PELI1: variants seen among roughly 807,000 people sequenced by gnomAD.
PELI1 encodes the protein pellino E3 ubiquitin protein ligase 1.
A neutral mutation model predicts 41.3 loss-of-function variants in PELI1; 15 were observed. That is an observed-to-expected ratio of 0.36 (90% CI 0.24 to 0.56). The LOEUF (loss-of-function observed/expected upper bound fraction) is 0.56. Among genes scored for constraint, PELI1 ranks in the 20% least tolerant of loss-of-function variants. The pLI, the probability that PELI1 is intolerant of heterozygous loss-of-function variation, is 0.82. For missense variants in PELI1, 403 were observed against 525.5 expected, an observed-to-expected ratio of 0.77 and a Z score of 2.28; for synonymous variants, 178 against 180.1, an observed-to-expected ratio of 0.99 and a Z score of 0.09.
chr2:64,097,626 G>A (rs184567897), intron 4 of PELI1, among the ~76,000 whole-genome samples: 1 of 152,130 alleles, frequency 6.6e-6, no homozygotes, highest in South Asian at 2.1e-4. Context: ...GCAAACATTT[G>A]GAAATTATCA....
At chr2:64,100,313 A>C (rs1380699173) in intron 4 of PELI1, 85 bp downstream of exon 4, 5 of 718,934 alleles carry the variant, frequency 7.0e-6, no homozygotes, top group Non-Finnish European at 1.2e-5. Context: ...AAATCTGATA[A>C]TCCTCTGACC....
rs115186773 is a variant in PELI1 at position 64,110,658 on chromosome 2, C to T, written c.-69-2279G>A. On this transcript the variant is annotated intron_variant, in intron 1 of 6. Transcript: ENST00000358912. Reference sequence around the variant, plus strand: ...AACTATAATACAGTTAGATGTAGTTCTAAATGTGTGTAAAGGAAATAGTTC... The same window carrying T: ...AACTATAATACAGTTAGATGTAGTTTTAAATGTGTGTAAAGGAAATAGTTC... Among the ~76,000 whole-genome samples the T allele has an allele frequency of 4.0e-3, 616 of 152,176 alleles. 3 individuals carry two copies. Among genetic ancestry groups the T allele is most frequent in the African/African-American group, 0.014 (588 of 41,530 alleles).
intron 3 of PELI1, among the ~76,000 whole-genome samples, chr2:64,103,377 G>A (rs1680510227): frequency 6.6e-6 from 1 of 152,078 alleles, no homozygotes; most frequent in Non-Finnish European, 1.5e-5. Context: ...TGGCTGTTAC[G>A]AGGATTTGCA....
chr2:64,142,696 A>G (rs1681951525), intron 1 of PELI1, among the ~76,000 whole-genome samples: 1 of 152,224 alleles, frequency 6.6e-6, no homozygotes, highest in African/African-American at 2.4e-5. Context: ...TATAAAGAAA[A>G]CGCATCGTAA....
chr2:64,139,237 T>G (rs113276330), intron 1 of PELI1, among the ~76,000 whole-genome samples: 2,400 of 152,334 alleles, frequency 0.016, 61 homozygotes, highest in African/African-American at 0.054. Context: ...TTTAATCTTA[T>G]AGTTCTCCCT....
chr2:64,096,563 C>G lies in PELI1; in HGVS notation c.351G>C (p.Thr117=). The change falls in exon 5 of 7, where the codon ACG becomes ACC. Residue 117 remains threonine (T), a synonymous_variant. Coordinates refer to ENST00000358912, the MANE Select transcript of PELI1 (RefSeq NM_020651.4). ...CAGAATTACTTTGACTTCCAGGAAC[C>G]GTGTCAGTTACTACAAAATCAATGG... ...ESPIDFVVTD[T]VPGSQSNSDT... The G allele has an allele frequency of 1.9e-6, 3 of 1,612,816 alleles. No individual in the cohort carries two copies. The highest frequency in any genetic ancestry group is 2.5e-6 in the Non-Finnish European group (3 of 1,179,028).
At chr2:64,136,192 C>A (rs927389011) in intron 1 of PELI1, among the ~76,000 whole-genome samples, 1 of 152,002 alleles carries the variant, frequency 6.6e-6, no homozygotes, top group African/African-American at 2.4e-5. Context: ...AAACCACTGC[C>A]ACTTTTTTTT....
chr2:64,140,063 GAAA>G (rs533335748), intron 1 of PELI1, among the ~76,000 whole-genome samples: 2 of 152,062 alleles, frequency 1.3e-5, no homozygotes, highest in Non-Finnish European at 2.9e-5. Context: ...CAGCTTAGGG[GAAA>G]AAGAAAACTG....
rs1680162663 is a variant in PELI1 at position 64,094,584 on chromosome 2, ATTC to A, written c.*115_*117del. On this transcript the variant is annotated 3_prime_UTR_variant, in exon 7 of 7. Coordinates refer to ENST00000358912, the MANE Select transcript of PELI1 (RefSeq NM_020651.4). ...CTATTTATTATAAATGTTTTAAAAA[ATTC>A]TTCATCTTAATGCAAATGACCAGAG... The A allele has an allele frequency of 8.2e-6, 5 of 606,922 alleles. No homozygotes were observed. Among genetic ancestry groups the A allele is most frequent in the Admixed American group, 3.3e-5 (1 of 30,280 alleles). 37.6% of individuals were successfully genotyped at this position (606,922 alleles called of 1,614,324 possible).
intron 1 of PELI1, among the ~76,000 whole-genome samples, chr2:64,124,699 T>C (rs1266272576): frequency 6.6e-6 from 1 of 152,276 alleles, no homozygotes; most frequent in African/African-American, 2.4e-5. Context: ...TTTATGTTTT[T>C]GCTGATAATC....
chr2:64,143,964 G>A (rs1293135841), intron 1 of PELI1, 117 bp downstream of exon 1: 1 of 1,570 alleles, frequency 6.4e-4, no homozygotes, highest in Non-Finnish European at 1.1e-3. Flanking sequence ...AGGCGGGCGG[G>A]GAGAGCCGGC....
In PELI1 at chr2:64,137,572, T is replaced by C. The variant is rs929879970; in HGVS notation, c.-70+6509A>G. ...ATACTAGTCACTCTCAGAGGTTATA[T>C]ACCCTTATTCCAAATGATGCTACAA... On this transcript the variant is annotated intron_variant, in intron 1 of 6. Transcript: ENST00000358912. Among the ~76,000 whole-genome samples the C allele has an allele frequency of 7.3e-5, 11 of 151,392 alleles. No homozygotes were observed. The South Asian group carries it at 2.3e-3, about 31-fold the overall frequency.
chr2:64,101,278 T>C (rs978957033), intron 3 of PELI1, among the ~76,000 whole-genome samples: 1 of 149,354 alleles, frequency 6.7e-6, no homozygotes, highest in Non-Finnish European at 1.5e-5. Flanking sequence ...CTGGGTGAGA[T>C]ACAGAAAAAT....
chr2:64,126,440 G>T (rs1050456859), intron 1 of PELI1, among the ~76,000 whole-genome samples: 4 of 152,196 alleles, frequency 2.6e-5, no homozygotes, highest in African/African-American at 9.7e-5. Flanking sequence ...GGGATTACAG[G>T]CATGAGCCAC....
chr2:64,095,302 C>T (rs780291052), intron 6 of PELI1, 34 bp from the exon 7 acceptor site: 28 of 1,480,508 alleles, frequency 1.9e-5, no homozygotes, highest in Non-Finnish European at 2.6e-5. Context: ...ACATATTCAC[C>T]ACTCTGTTTT....
At chr2:64,139,818 G>A (rs956946800) in intron 1 of PELI1, among the ~76,000 whole-genome samples, 3 of 152,182 alleles carry the variant, frequency 2.0e-5, no homozygotes, top group Non-Finnish European at 4.4e-5. Flanking sequence ...TTCCTGCTAA[G>A]TTTGAACAAG....
At chr2:64,121,321 T>C (rs188392149) in intron 1 of PELI1, among the ~76,000 whole-genome samples, 24 of 152,320 alleles carry the variant, frequency 1.6e-4, no homozygotes, top group African/African-American at 5.3e-4. Context: ...CTCAATGTCT[T>C]ATACTTGATT....
intron 1 of PELI1, among the ~76,000 whole-genome samples, chr2:64,139,700 T>G (rs1012461199): frequency 6.6e-6 from 1 of 152,248 alleles, no homozygotes; most frequent in African/African-American, 2.4e-5. Context: ...GGTATCAGCA[T>G]CTAGACCTGT....
intron 1 of PELI1, among the ~76,000 whole-genome samples, chr2:64,126,654 T>C (rs1397597658): frequency 6.6e-6 from 1 of 152,186 alleles, no homozygotes; most frequent in African/African-American, 2.4e-5. Flanking sequence ...TAAATCAGTA[T>C]AGAACAGATA....
Sources: gnomAD v4.1 joint callset for allele counts (sites outside exome capture counted in the v4.1 genomes callset) on GRCh38, gnomAD v4.1.1 for gene constraint, MANE v1.5 for transcripts, NCBI Gene and HGNC (gene_info 2026-07-23, HGNC 2026-07-21) for gene names.